Variants in AFAP1 observed in about 807,000 individuals in gnomAD.
AFAP1 encodes the protein actin filament-associated protein 1.
AFAP1 carries 75 observed loss-of-function variants against 93.9 expected under a neutral mutation model. The observed-to-expected ratio is 0.80, with a 90% CI of 0.66 to 0.97. The LOEUF (loss-of-function observed/expected upper bound fraction) is 0.97, where lower values mean the gene tolerates loss of function less well. AFAP1 is among the 50% of genes least tolerant of loss of function. The pLI, the probability that AFAP1 is intolerant of heterozygous loss-of-function variation, is 0.00. For missense variants in AFAP1, 1,201 were observed against 1,050.8 expected (o/e 1.14, Z -1.98); for synonymous variants, 517 against 430.7 (o/e 1.20, Z -2.48).
At chr4:7,791,248 G>A (rs756150535) in intron 11 of AFAP1, among the ~76,000 whole-genome samples, 17 of 152,132 alleles carry the variant, frequency 1.1e-4, no homozygotes, top group Admixed American at 1.1e-3. Context: ...CTCCTCACTT[G>A]CTGATGATGG....
In AFAP1 at chr4:7,763,555, A is replaced by G; in HGVS notation, c.*210T>C. On this transcript the variant is annotated 3_prime_UTR_variant, in exon 18 of 18. Transcript: ENST00000420658. ...TTGTTTTTTAACAAAGTTGGGAACC[A>G]AAGTCTTACATCTTTTTTAAAGGCG... 2 of 581,136 alleles carry G rather than the reference A, an allele frequency of 3.4e-6. No individual in the cohort carries two copies. Among genetic ancestry groups the G allele is most frequent in the African/African-American group, 1.9e-5 (1 of 53,322 alleles). 36.0% of individuals were successfully genotyped at this position (581,136 alleles called of 1,614,324 possible).
At chr4:7,917,268 G>A (rs536238490) in intron 1 of AFAP1, among the ~76,000 whole-genome samples, 7 of 152,244 alleles carry the variant, frequency 4.6e-5, no homozygotes, top group African/African-American at 1.4e-4. Context: ...TCACTGTATC[G>A]TCATGAAAGG....
intron 1 of AFAP1, among the ~76,000 whole-genome samples, chr4:7,923,697 CCTTGTGATCTGCCCAT>C (rs1344252711): frequency 6.6e-6 from 1 of 152,170 alleles, no homozygotes; most frequent in East Asian, 1.9e-4. Context: ...AATCTCCTGA[CCTTGTGATCTGCCCAT>C]CTCGGCCTCC....
At chr4:7,826,675 C>G (rs899221641) in intron 6 of AFAP1, among the ~76,000 whole-genome samples, 2 of 152,230 alleles carry the variant, frequency 1.3e-5, no homozygotes, top group Non-Finnish European at 2.9e-5. Context: ...AACTCCTGAT[C>G]CAACACGTCA....
intron 1 of AFAP1, among the ~76,000 whole-genome samples, chr4:7,886,555 G>C (rs959510657): frequency 2.0e-5 from 3 of 152,178 alleles, no homozygotes; most frequent in Admixed American, 6.5e-5. Context: ...AGCCAGCAAG[G>C]AGTCTTCAAA....
intron 7 of AFAP1, among the ~76,000 whole-genome samples, chr4:7,817,787 G>C (rs1192997184): frequency 6.8e-6 from 1 of 147,434 alleles, no homozygotes; most frequent in African/African-American, 2.5e-5. Flanking sequence ...AGCAGTATAA[G>C]AAACTTTATG....
At chr4:7,874,188 T>C (rs141595594) in intron 1 of AFAP1, among the ~76,000 whole-genome samples, 3 of 152,142 alleles carry the variant, frequency 2.0e-5, no homozygotes, top group Non-Finnish European at 4.4e-5. Context: ...ACTATTCTAA[T>C]GTAACAGAGG....
intron 12 of AFAP1, among the ~76,000 whole-genome samples, chr4:7,782,202 G>A (rs1003217431): frequency 1.3e-5 from 2 of 152,260 alleles, no homozygotes; most frequent in Non-Finnish European, 2.9e-5. Context: ...AGCAGAGACA[G>A]GGCCTGGAGC....
chr4:7,844,478 CA>C (rs1433788032), intron 4 of AFAP1, among the ~76,000 whole-genome samples: 1 of 152,194 alleles, frequency 6.6e-6, no homozygotes, highest in Non-Finnish European at 1.5e-5. Context: ...CAGACTAATA[CA>C]CTAGGTCAAA....
intron 5 of AFAP1, among the ~76,000 whole-genome samples, chr4:7,840,560 C>T (rs1712892516): frequency 6.6e-6 from 1 of 152,330 alleles, no homozygotes; most frequent in Non-Finnish European, 1.5e-5. Context: ...GATCCGCCCG[C>T]CTCAGCCTCC....
At chr4:7,867,977 CT>C (rs1243662855) in intron 3 of AFAP1, among the ~76,000 whole-genome samples, 1 of 151,982 alleles carries the variant, frequency 6.6e-6, no homozygotes, top group Non-Finnish European at 1.5e-5. Flanking sequence ...TGATTTTGCC[CT>C]AACTTTGAAT....
chr4:7,774,533 T>G (rs1209002581), intron 15 of AFAP1: 14 of 741,830 alleles, frequency 1.9e-5, no homozygotes, highest in Non-Finnish European at 2.7e-5. Flanking sequence ...GGCCTCTGCC[T>G]GCACGCCGCA....
At chr4:7,831,907 G>A (rs1711667522) in intron 6 of AFAP1, among the ~76,000 whole-genome samples, 1 of 152,152 alleles carries the variant, frequency 6.6e-6, no homozygotes, top group Non-Finnish European at 1.5e-5. Context: ...TATGGTCATA[G>A]AAATGTGGAA....
At chr4:7,781,760 C>T in intron 12 of AFAP1, 133 bp from the exon 13 acceptor site, 2 of 1,209,386 alleles carry the variant, frequency 1.7e-6, no homozygotes, top group Non-Finnish European at 2.3e-6. Context: ...TGCACACAGA[C>T]TGCAGTTGTT....
At chr4:7,873,341 C>T (rs1182162699) in intron 1 of AFAP1, among the ~76,000 whole-genome samples, 1 of 101,532 alleles carries the variant, frequency 9.8e-6, no homozygotes, top group South Asian at 3.5e-4. Flanking sequence ...TGAAGACACA[C>T]CTTTTTTTTT....
At chr4:7,887,539 T>C (rs1348982671) in intron 1 of AFAP1, among the ~76,000 whole-genome samples, 1 of 152,230 alleles carries the variant, frequency 6.6e-6, no homozygotes, top group Non-Finnish European at 1.5e-5. Flanking sequence ...TTAAAAAGTA[T>C]TCAAATGTAA....
At chr4:7,817,330 C>T (rs1720562952) in intron 7 of AFAP1, among the ~76,000 whole-genome samples, 1 of 152,158 alleles carries the variant, frequency 6.6e-6, no homozygotes, top group Non-Finnish European at 1.5e-5. Context: ...AGGACAGGTA[C>T]GGTGGCTCAC....
intron 17 of AFAP1, among the ~76,000 whole-genome samples, chr4:7,767,946 T>A (rs1415937395): frequency 6.6e-6 from 1 of 152,092 alleles, no homozygotes; most frequent in East Asian, 1.9e-4. Flanking sequence ...CATAATGGTG[T>A]ACACCTGCAG....
chr4:7,873,262 C>CA (rs1372435891), intron 1 of AFAP1, among the ~76,000 whole-genome samples: 6 of 130,278 alleles, frequency 4.6e-5, no homozygotes, highest in Admixed American at 7.6e-5. Context: ...AAAAAAAAAA[C>CA]CCCACTTTCA....
Sources: gnomAD v4.1 joint callset for allele counts (sites outside exome capture counted in the v4.1 genomes callset) on GRCh38, gnomAD v4.1.1 for gene constraint, MANE v1.5 for transcripts, NCBI Gene and HGNC (gene_info 2026-07-23, HGNC 2026-07-21) for gene names.